Variants in ASIC2 observed in about 807,000 individuals in gnomAD.
The protein encoded by ASIC2 is acid sensing ion channel subunit 2.
In ASIC2, 25 loss-of-function variants were observed where a neutral mutation model predicts 57.3. That is an observed-to-expected ratio of 0.44 (90% CI 0.32 to 0.61). ASIC2 has a LOEUF of 0.61. Ranked by LOEUF, ASIC2 falls within the 20% of genes least tolerant of loss-of-function variation. The pLI, the probability that ASIC2 is intolerant of heterozygous loss-of-function variation, is 0.06. For missense variants in ASIC2, 641 were observed against 738.1 expected (o/e 0.87, Z 1.52); for synonymous variants, 319 against 307.5 (o/e 1.04, Z -0.39).
At chr17:33,508,806 T>G (rs1389694762) in intron 1 of ASIC2, among the ~76,000 whole-genome samples, 1 of 152,162 alleles carries the variant, frequency 6.6e-6, no homozygotes, top group Non-Finnish European at 1.5e-5. Flanking sequence ...TGCAGACCCC[T>G]GGAATAGCTC....
At chr17:34,035,956 ATTGTGGAAGTCAGTGTC>A in intron 1 of ASIC2, among the ~76,000 whole-genome samples, 1 of 151,976 alleles carries the variant, frequency 6.6e-6, no homozygotes, top group African/African-American at 2.4e-5. Context: ...TAGTTCAACC[ATTGTGGAAGTCAGTGTC>A]ACGATTCCTC....
At chr17:33,826,436 C>T (rs1343563947) in intron 1 of ASIC2, among the ~76,000 whole-genome samples, 1 of 152,208 alleles carries the variant, frequency 6.6e-6, no homozygotes, top group Non-Finnish European at 1.5e-5. Context: ...TGTCCACCAA[C>T]CATATGCGAG....
chr17:33,937,624 T>G (rs1916096150), intron 1 of ASIC2, among the ~76,000 whole-genome samples: 1 of 152,190 alleles, frequency 6.6e-6, no homozygotes, highest in Non-Finnish European at 1.5e-5. Context: ...TTCTTCTACT[T>G]AAGGCTATCA....
chr17:33,842,749 G>T (rs1044462617), intron 1 of ASIC2, among the ~76,000 whole-genome samples: 2 of 152,228 alleles, frequency 1.3e-5, no homozygotes, highest in African/African-American at 4.8e-5. Flanking sequence ...TGAGGATGAA[G>T]ATTGGACAGT....
intron 1 of ASIC2, among the ~76,000 whole-genome samples, chr17:33,384,765 C>A (rs1366850380): frequency 6.6e-6 from 1 of 152,222 alleles, no homozygotes; most frequent in South Asian, 2.1e-4. Context: ...GCCCTCTAGG[C>A]CAGCCCAAGC....
At chr17:33,491,658 C>A (rs543597571) in intron 1 of ASIC2, among the ~76,000 whole-genome samples, 1 of 152,196 alleles carries the variant, frequency 6.6e-6, no homozygotes, top group African/African-American at 2.4e-5. Flanking sequence ...GGAGGCCAGG[C>A]CCCTGTGTTA....
At chr17:33,941,370 G>T (rs917222256) in intron 1 of ASIC2, among the ~76,000 whole-genome samples, 1 of 152,182 alleles carries the variant, frequency 6.6e-6, no homozygotes, top group Admixed American at 6.5e-5. Context: ...TGGCAAAAAG[G>T]GTGCAGGCAC....
In ASIC2 at chr17:34,043,957, C is replaced by T. The variant is rs550954826; in HGVS notation, c.555+112021G>A. Among the ~76,000 whole-genome samples the T allele has an allele frequency of 6.6e-5, 10 of 152,310 alleles. No individual in the cohort carries two copies. The East Asian group carries it at 1.9e-3, about 29-fold the overall frequency. ...AAGTTCTAATTCCCTGATGGAGAGGCACACAATACAAAATTGGTGACCTTT... is the reference window on the plus strand; with the variant it reads ...AAGTTCTAATTCCCTGATGGAGAGGTACACAATACAAAATTGGTGACCTTT... On this transcript the variant is annotated intron_variant, in intron 1 of 9. Coordinates refer to the ASIC2 transcript ENST00000359872.
intron 1 of ASIC2, among the ~76,000 whole-genome samples, chr17:33,549,548 A>ACCTTCCTTT (rs1403214131): frequency 1.3e-5 from 2 of 152,118 alleles, no homozygotes; most frequent in African/African-American, 4.8e-5. Context: ...CAAGACCAAG[A>ACCTTCCTTT]CCTTCCTTTC....
chr17:33,626,798 T>G (rs1373022638), intron 1 of ASIC2, among the ~76,000 whole-genome samples: 1 of 152,174 alleles, frequency 6.6e-6, no homozygotes, highest in Non-Finnish European at 1.5e-5. Flanking sequence ...TTCTCATCAT[T>G]TGCAACATGC....
chr17:33,644,647 G>T (rs1906685034), intron 1 of ASIC2, among the ~76,000 whole-genome samples: 1 of 152,056 alleles, frequency 6.6e-6, no homozygotes, highest in Admixed American at 6.5e-5. Flanking sequence ...CATTGTATTG[G>T]GTTCAAAATG....
chr17:33,896,258 A>G (rs1053621089), intron 1 of ASIC2, among the ~76,000 whole-genome samples: 1 of 152,196 alleles, frequency 6.6e-6, no homozygotes, highest in Non-Finnish European at 1.5e-5. Context: ...CTTGGTTAGA[A>G]TGTTCCTTCC....
At chr17:33,171,431 A>G (rs1286807320) in intron 1 of ASIC2, among the ~76,000 whole-genome samples, 1 of 152,228 alleles carries the variant, frequency 6.6e-6, no homozygotes, top group Non-Finnish European at 1.5e-5. Flanking sequence ...ATCCAGTTGC[A>G]CAAGTGTTGT....
intron 1 of ASIC2, among the ~76,000 whole-genome samples, chr17:33,223,395 C>A (rs1907757367): frequency 6.6e-6 from 1 of 152,108 alleles, no homozygotes; most frequent in African/African-American, 2.4e-5. Flanking sequence ...GTTGGCCAGG[C>A]TGGTCTCAAA....
intron 1 of ASIC2, among the ~76,000 whole-genome samples, chr17:33,239,940 T>A (rs1908439766): frequency 6.6e-6 from 1 of 151,800 alleles, no homozygotes; most frequent in Admixed American, 6.6e-5. Flanking sequence ...TATCCTTACT[T>A]CCCCCCACGC....
chr17:33,368,901 A>G (rs1379880812), intron 1 of ASIC2, among the ~76,000 whole-genome samples: 6 of 152,126 alleles, frequency 3.9e-5, no homozygotes, highest in African/African-American at 1.4e-4. Flanking sequence ...CAGGTGCTGG[A>G]TGGCTGGGGA....
chr17:33,068,776 A>G (rs1449042502), intron 3 of ASIC2, among the ~76,000 whole-genome samples: 2 of 152,110 alleles, frequency 1.3e-5, no homozygotes, highest in Non-Finnish European at 2.9e-5. Context: ...CAATTTTATT[A>G]ATATCAAAAA....
At chr17:33,134,362 G>A (rs891389935) in intron 1 of ASIC2, among the ~76,000 whole-genome samples, 2 of 152,166 alleles carry the variant, frequency 1.3e-5, no homozygotes, top group African/African-American at 2.4e-5. Context: ...ACAGAGCAGA[G>A]GGATGGCAAC....
intron 1 of ASIC2, among the ~76,000 whole-genome samples, chr17:33,446,867 G>A (rs915659840): frequency 3.3e-5 from 5 of 152,134 alleles, no homozygotes; most frequent in African/African-American, 9.7e-5. Flanking sequence ...TGAAGAATTC[G>A]CTTTACCTCT....
Sources: gnomAD v4.1 joint callset for allele counts (sites outside exome capture counted in the v4.1 genomes callset) on GRCh38, gnomAD v4.1.1 for gene constraint, MANE v1.5 for transcripts, NCBI Gene and HGNC (gene_info 2026-07-23, HGNC 2026-07-21) for gene names.